The following SYF2 variants were observed in gnomAD, a reference collection of about 807,000 sequenced individuals.
The protein encoded by SYF2 is pre-mRNA-splicing factor SYF2.
In SYF2, 21 loss-of-function variants were observed where a neutral mutation model predicts 32.7. The observed-to-expected ratio is 0.64, with a 90% CI of 0.45 to 0.92. The LOEUF is 0.92. Ranked by LOEUF, SYF2 falls within the 40% of genes least tolerant of loss-of-function variation. SYF2 has a pLI of 0.00. For missense variants in SYF2, 278 were observed against 296.5 expected (o/e 0.94, Z 0.46); for synonymous variants, 114 against 103.9 (o/e 1.10, Z -0.59).
rs142656383 is a variant in SYF2, at chr1:25,232,479, T to C, written c.-12A>G. 2.6e-3 allele frequency: 4,159 copies of C among 1,614,120 alleles called. 29 individuals are homozygous for C. The Middle Eastern group carries it at 0.046, about 18-fold the overall frequency. ...GCTATAGCCGCCATCACAACCTTTC[T>C]CTCTTCCCACTTCCGGCAACAAGAT... On this transcript the variant is annotated 5_prime_UTR_variant, in exon 1 of 7. Coordinates refer to ENST00000236273, the MANE Select transcript of SYF2 (RefSeq NM_015484.5).
At chr1:25,229,238 T>A (rs1638579643) in intron 2 of SYF2, 115 bp from the exon 3 acceptor site, 1 of 1,271,240 alleles carries the variant, frequency 7.9e-7, no homozygotes, top group Non-Finnish European at 1.1e-6. Flanking sequence ...CCCCATTTTA[T>A]CCTAAAAGCA....
At chr1:25,227,370 T>C (rs1335132542) in intron 5 of SYF2, 72 bp downstream of exon 5, 1 of 1,209,558 alleles carries the variant, frequency 8.3e-7, no homozygotes. Context: ...AGCATGTTTC[T>C]ATTTATGTAC....
intron 6 of SYF2, 70 bp downstream of exon 6, chr1:25,224,932 T>A (rs564496666): frequency 9.4e-7 from 1 of 1,059,882 alleles, no homozygotes; most frequent in African/African-American, 1.6e-5. Context: ...ACGTCAGATA[T>A]AGGTGCATAT....
chr1:25,223,507 A>T, intron 6 of SYF2, 76 bp from the exon 7 acceptor site: 2 of 1,440,180 alleles, frequency 1.4e-6, no homozygotes, highest in Non-Finnish European at 1.9e-6. Context: ...CCAAACAGGA[A>T]TATAATCACG....
At chr1:25,228,271 G>T in intron 3 of SYF2, 36 bp from the exon 4 acceptor site, 1 of 1,469,152 alleles carries the variant, frequency 6.8e-7, no homozygotes, top group South Asian at 1.2e-5. Context: ...CTACAATTAT[G>T]ATACATGCAA....
intron 2 of SYF2, among the ~76,000 whole-genome samples, chr1:25,229,836 A>C (rs1218401237): frequency 6.9e-6 from 1 of 144,416 alleles, no homozygotes. Flanking sequence ...TTTTTTTTTG[A>C]GACAGAGTCT....
At chr1:25,230,117 C>G (rs888410079) in intron 2 of SYF2, among the ~76,000 whole-genome samples, 1 of 152,134 alleles carries the variant, frequency 6.6e-6, no homozygotes. Context: ...CACACCAGGC[C>G]TCAATTATCT....
chr1:25,232,253 T>A lies in SYF2; in HGVS notation c.25-42A>T, dbSNP rs772246199. ...TGGCTTCAGGCAGAGCCGGCTCAGCTTCTCCCAGGACTGCCCAGGCCGAGT... is the reference window on the plus strand; with the variant it reads ...TGGCTTCAGGCAGAGCCGGCTCAGCATCTCCCAGGACTGCCCAGGCCGAGT... On this transcript the variant is annotated intron_variant, in intron 1 of 6. Transcript: ENST00000236273. 7 of 1,590,210 alleles carry A rather than the reference T, an allele frequency of 4.4e-6. No homozygotes were observed. The African/African-American group carries it at 9.4e-5, about 21-fold the overall frequency.
In SYF2 at chr1:25,228,098, T is replaced by G. The variant is rs374431371; in HGVS notation, c.376+20A>C. 9 of 1,586,236 alleles carry G rather than the reference T, an allele frequency of 5.7e-6. No individual in the cohort carries two copies. In the African/African-American group the frequency reaches 1.2e-4, roughly 21 times the overall value. On this transcript the variant is annotated intron_variant, in intron 4 of 6. Coordinates refer to ENST00000236273, the MANE Select transcript of SYF2 (RefSeq NM_015484.5). Reference sequence around the variant, plus strand: ...TGACTAACAGCCCAGTCAATAAGGTTCAATAAAGGTCAATCTGACCTGAAA... The same window carrying G: ...TGACTAACAGCCCAGTCAATAAGGTGCAATAAAGGTCAATCTGACCTGAAA...
Position 25,232,110 on chromosome 1 carries a change from C to T in SYF2, c.126G>A (p.Leu42=), listed in dbSNP as rs778445714. The change falls in exon 2 of 7, where the codon CTG becomes CTA. Residue 42 remains leucine (L), a synonymous_variant. Coordinates refer to ENST00000236273, the MANE Select transcript of SYF2 (RefSeq NM_015484.5). Reference sequence around the variant, plus strand: ...GGCCTCCAAGACTACTCACCCGCATCAGGTGCAGCTCCCGGAATTTGCGCA... The same window carrying T: ...GGCCTCCAAGACTACTCACCCGCATTAGGTGCAGCTCCCGGAATTTGCGCA... ...QRLRKFRELH[L]MRNEARKLNH... is the part of the protein sequence containing the mutation. 6.2e-7 allele frequency: 1 copy of T among 1,613,792 alleles called. No individual in the cohort carries two copies. Among genetic ancestry groups the T allele is most frequent in the Non-Finnish European group, 8.5e-7 (1 of 1,179,924 alleles).
chr1:25,227,158 C>T (rs1375061481), intron 5 of SYF2, among the ~76,000 whole-genome samples: 4 of 152,090 alleles, frequency 2.6e-5, no homozygotes, highest in African/African-American at 9.7e-5. Flanking sequence ...TGGCGGGCGC[C>T]TGTAATCCCA....
rs770952713 is a variant in SYF2 at position 25,232,125 on chromosome 1, G to C, written c.111C>G (p.Phe37Leu). Residue 37 changes from phenylalanine to leucine, a missense_variant, in exon 2 of 7, where the codon TTC (phenylalanine) becomes TTG (leucine). Coordinates refer to ENST00000236273, the MANE Select transcript of SYF2 (RefSeq NM_015484.5). ...TCACCCGCATCAGGTGCAGCTCCCG[G>C]AATTTGCGCAGTCTCTGTTCGCGCT... ...AQKREQRLRK[F>L]RELHLMRNEA... 2 of 1,614,012 alleles carry C rather than the reference G, an allele frequency of 1.2e-6. No individual in the cohort carries two copies. Among genetic ancestry groups the C allele is most frequent in the South Asian group, 1.1e-5 (1 of 91,056 alleles).
rs1031075265 is a variant in SYF2 at position 25,222,433 on chromosome 1, A to C, written c.*833T>G. On this transcript the variant is annotated 3_prime_UTR_variant, in exon 7 of 7. Coordinates refer to ENST00000236273, the MANE Select transcript of SYF2 (RefSeq NM_015484.5). ...CTAAAATAATTATAGATGAAATTAT[A>C]TATCTAGTATATGCGTCAAAATAAG... is the stretch of plus-strand genomic sequence containing the variant. Among the ~76,000 whole-genome samples, 1 of 151,986 alleles carries C rather than the reference A, an allele frequency of 6.6e-6. No individual in the cohort carries two copies. The highest frequency in any genetic ancestry group is 2.4e-5 in the African/African-American group (1 of 41,388).
At position 25,228,919 on chromosome 1, in the gene SYF2, A is replaced by AT. The variant is rs112795171; in HGVS notation, c.258+78dup. On this transcript the variant is annotated intron_variant, in intron 3 of 6. Coordinates refer to ENST00000236273, the MANE Select transcript of SYF2 (RefSeq NM_015484.5). ...GGCAGCTTGGCCTAAGAGCCAGTGT[A>AT]TACAACCACCATGTTGTAGTGTCTT... 8.1e-3 allele frequency: 12,423 copies of AT among 1,526,046 alleles called. 854 individuals carry two copies. The African/African-American group carries it at 0.15, about 18-fold the overall frequency. The allele number at this position is 1,526,046 out of a possible 1,614,324, so 94.5% of individuals were successfully genotyped here.
In SYF2 at chr1:25,223,230, C is replaced by A; in HGVS notation, c.*36G>T. 1 of 1,538,154 alleles carries A rather than the reference C, an allele frequency of 6.5e-7. No individual in the cohort carries two copies. The highest frequency in any genetic ancestry group is 8.8e-7 in the Non-Finnish European group (1 of 1,142,096). On this transcript the variant is annotated 3_prime_UTR_variant, in exon 7 of 7. Coordinates refer to ENST00000236273, the MANE Select transcript of SYF2 (RefSeq NM_015484.5). The stretch of plus-strand genomic sequence containing the variant: ...GATTTTGCTAGCAGAAATTTTTACC[C>A]CATTCTCAAGCTTCTATAAACAGTT...
intron 2 of SYF2, chr1:25,231,779 A>C: frequency 2.4e-6 from 1 of 417,660 alleles, no homozygotes; most frequent in South Asian, 2.4e-5. Flanking sequence ...CTCTAGCTCT[A>C]CATATTTCCC....
intron 4 of SYF2, among the ~76,000 whole-genome samples, chr1:25,227,789 G>A (rs1457625785): frequency 6.6e-6 from 1 of 152,074 alleles, no homozygotes; most frequent in Admixed American, 6.6e-5. Context: ...TGCAACATTT[G>A]GGATTTCAGA....
At chr1:25,231,972 C>G (rs1199314553) in intron 2 of SYF2, 132 bp downstream of exon 2, 1 of 917,622 alleles carries the variant, frequency 1.1e-6, no homozygotes, top group South Asian at 1.4e-5. Flanking sequence ...TACCACCGAA[C>G]AGAGCTTTCC....
intron 2 of SYF2, chr1:25,231,781 A>C (rs1196656015): frequency 4.7e-6 from 2 of 423,984 alleles, no homozygotes; most frequent in Non-Finnish European, 8.7e-6. Flanking sequence ...CTAGCTCTAC[A>C]TATTTCCCTA....
Sources: allele counts gnomAD v4.1 joint callset (sites outside exome capture counted in the v4.1 genomes callset), GRCh38; gene constraint gnomAD v4.1.1; transcripts MANE v1.5; gene names NCBI Gene and HGNC (gene_info 2026-07-23, HGNC 2026-07-21).